CSMD1: variants seen among roughly 807,000 people sequenced by gnomAD.
CSMD1 encodes CUB and sushi domain-containing protein 1.
In CSMD1, 213 loss-of-function variants were observed where a neutral mutation model predicts 417.5. That is an observed-to-expected ratio of 0.51 (90% CI 0.46 to 0.57). The LOEUF (loss-of-function observed/expected upper bound fraction) is 0.57, where lower values mean the gene tolerates loss of function less well. Ranked by LOEUF, CSMD1 falls within the 20% of genes least tolerant of loss-of-function variation. The pLI is 0.00. For synonymous variants in CSMD1, 2,862 were observed against 1,736.8 expected (o/e 1.65, Z -16.11); for missense variants, 6,923 against 4,529.7 (o/e 1.53, Z -15.17).
At chr8:4,181,918 C>G (rs1480209686) in intron 3 of CSMD1, among the ~76,000 whole-genome samples, 1 of 150,832 alleles carries the variant, frequency 6.6e-6, no homozygotes, top group Non-Finnish European at 1.5e-5. Context: ...AGGACAAGTA[C>G]TTAGTACTTT....
rs56272726 is a variant in CSMD1, at chr8:3,709,680, GTTTTTTTTTTT to G, written c.932-1200_932-1190del. 1.1e-3 allele frequency among the ~76,000 whole-genome samples: 38 copies of G among 33,698 alleles called. 1 individual carries two copies. Among genetic ancestry groups the G allele is most frequent in the East Asian group, 3.0e-3 (2 of 676 alleles). 22.1% of individuals were successfully genotyped at this position (33,698 alleles called of 152,430 possible). ...GATGGGCTTTAAATTGCAGCAGCAT[GTTTTTTTTTTT>G]TTTTTTTTTTTTTTTTTTCCCTGCT... On this transcript the variant is annotated intron_variant, in intron 6 of 69. Transcript: ENST00000635120.
At chr8:4,313,713 G>T (rs953106956) in intron 3 of CSMD1, among the ~76,000 whole-genome samples, 8 of 151,988 alleles carry the variant, frequency 5.3e-5, no homozygotes, top group Non-Finnish European at 8.8e-5. Flanking sequence ...AAGGTCATAT[G>T]ACTTAAAAAA....
intron 2 of CSMD1, among the ~76,000 whole-genome samples, chr8:4,542,983 T>G (rs569481563): frequency 7.9e-5 from 12 of 152,208 alleles, no homozygotes; most frequent in Non-Finnish European, 1.5e-4. Context: ...AACCAGTGTT[T>G]TACAAATTGA....
rs6997324 is a variant in CSMD1, at chr8:3,614,857, C to T, written c.1097+1853G>A. Among the ~76,000 whole-genome samples, 7 of 152,020 alleles carry T rather than the reference C, an allele frequency of 4.6e-5. No homozygotes were observed. In the East Asian group the frequency reaches 7.8e-4, roughly 17 times the overall value. On this transcript the variant is annotated intron_variant, in intron 8 of 69. Transcript: ENST00000635120. ...AGGTGAGAAAACAGATGTGTGAGCACATCGTGATGATGCACTGTTGTCAAC... is the reference window on the plus strand; with the variant it reads ...AGGTGAGAAAACAGATGTGTGAGCATATCGTGATGATGCACTGTTGTCAAC...
chr8:4,808,200 AG>A (rs1798698160), intron 1 of CSMD1, among the ~76,000 whole-genome samples: 1 of 152,232 alleles, frequency 6.6e-6, no homozygotes, highest in African/African-American at 2.4e-5. Context: ...TTTCATTGCC[AG>A]CACCAGTCGG....
At chr8:4,415,284 AT>A (rs1244707653) in intron 3 of CSMD1, among the ~76,000 whole-genome samples, 1 of 152,084 alleles carries the variant, frequency 6.6e-6, no homozygotes, top group Non-Finnish European at 1.5e-5. Flanking sequence ...TGTAAACCAC[AT>A]TGCTAAGCAT....
At chr8:3,470,739 T>C (rs1276628051) in intron 11 of CSMD1, among the ~76,000 whole-genome samples, 1 of 152,120 alleles carries the variant, frequency 6.6e-6, no homozygotes, top group Non-Finnish European at 1.5e-5. Context: ...ATCTCTAAAT[T>C]ATTTATTTAA....
At chr8:4,122,636 G>A (rs10088637) in intron 3 of CSMD1, among the ~76,000 whole-genome samples, 99,118 of 151,930 alleles carry the variant, frequency 0.65, 33,003 homozygotes, top group East Asian at 0.93. Context: ...GCCTCCAATC[G>A]CCAAACCAAA....
At chr8:4,244,705 C>A (rs1256562235) in intron 3 of CSMD1, among the ~76,000 whole-genome samples, 2 of 151,910 alleles carry the variant, frequency 1.3e-5, no homozygotes, top group Admixed American at 1.3e-4. Flanking sequence ...TCCTCTATGT[C>A]TAGAAAACTC....
rs532356157 is a variant in CSMD1 at position 4,035,373 on chromosome 8, C to G, written c.416-3274G>C. On this transcript the variant is annotated intron_variant, in intron 3 of 69. Transcript: ENST00000635120. ...TATACTATACTTTTTATCATTATTT[C>G]AGAGTGTGCTTCTTCTACTAAAAAA... Among the ~76,000 whole-genome samples, 74 of 152,262 alleles carry G rather than the reference C, an allele frequency of 4.9e-4. 1 individual carries two copies. In the Middle Eastern group the frequency reaches 0.014, roughly 28 times the overall value.
intron 1 of CSMD1, among the ~76,000 whole-genome samples, chr8:4,951,582 C>CA (rs144202801): frequency 6.3e-4 from 82 of 130,468 alleles, no homozygotes; most frequent in South Asian, 1.2e-3. Flanking sequence ...AGAAAAGAAG[C>CA]AAAAAAAAAA....
At chr8:3,589,276 A>G (rs1366732629) in intron 8 of CSMD1, among the ~76,000 whole-genome samples, 1 of 152,134 alleles carries the variant, frequency 6.6e-6, no homozygotes, top group Non-Finnish European at 1.5e-5. Flanking sequence ...CGTTGAAGAG[A>G]TATCTGCACT....
intron 3 of CSMD1, among the ~76,000 whole-genome samples, chr8:4,304,143 A>C (rs1032011080): frequency 6.6e-6 from 1 of 152,192 alleles, no homozygotes; most frequent in East Asian, 1.9e-4. Context: ...TGAATTTTCA[A>C]ATAAAACAAT....
intron 3 of CSMD1, among the ~76,000 whole-genome samples, chr8:4,303,816 C>T (rs188883202): frequency 7.2e-5 from 11 of 152,066 alleles, no homozygotes; most frequent in Non-Finnish European, 7.4e-5. Flanking sequence ...CCACTCTCCC[C>T]GGCTAATTGT....
In CSMD1 at chr8:3,224,476, T is replaced by A. The variant is rs1052645304; in HGVS notation, c.4346-609A>T. On this transcript the variant is annotated intron_variant, in intron 27 of 69. Coordinates refer to ENST00000635120, the MANE Select transcript of CSMD1 (RefSeq NM_033225.6). ...ATTTCACATTCTCCCAGTCCCCTGG[T>A]GTATGGAAGGCTTGAATTACTTTCC... 5.3e-5 allele frequency among the ~76,000 whole-genome samples: 8 copies of A among 152,254 alleles called. No individual in the cohort carries two copies. The East Asian group carries it at 1.5e-3, about 29-fold the overall frequency.
intron 9 of CSMD1, among the ~76,000 whole-genome samples, chr8:3,577,069 T>C (rs1415820352): frequency 1.3e-5 from 2 of 152,184 alleles, no homozygotes; most frequent in South Asian, 2.1e-4. Context: ...TTTGTTACAA[T>C]CCTACTGACA....
At chr8:3,316,883 T>C (rs1805806926) in intron 23 of CSMD1, among the ~76,000 whole-genome samples, 1 of 152,076 alleles carries the variant, frequency 6.6e-6, no homozygotes. Context: ...ATGTGCAATA[T>C]GGACATGGGT....
At chr8:4,487,216 C>T (rs529572110) in intron 2 of CSMD1, among the ~76,000 whole-genome samples, 2 of 152,178 alleles carry the variant, frequency 1.3e-5, no homozygotes, top group Admixed American at 1.3e-4. Context: ...TACATGTGCA[C>T]AATGTGCCGG....
chr8:3,876,604 G>C (rs1266945374), intron 5 of CSMD1, among the ~76,000 whole-genome samples: 7 of 152,108 alleles, frequency 4.6e-5, no homozygotes, highest in Non-Finnish European at 1.5e-5. Flanking sequence ...TCATGGTATT[G>C]TTTTTGTTTG....
Sources: gnomAD v4.1 joint callset for allele counts (sites outside exome capture counted in the v4.1 genomes callset) on GRCh38, gnomAD v4.1.1 for gene constraint, MANE v1.5 for transcripts, NCBI Gene and HGNC (gene_info 2026-07-23, HGNC 2026-07-21) for gene names.